The following SUPT3H variants were observed in gnomAD, a reference collection of about 807,000 sequenced individuals.
The protein encoded by SUPT3H is SPT3 homolog, SAGA and STAGA complex component, also known as transcription initiation protein SPT3 homolog.
A neutral mutation model predicts 44.3 loss-of-function variants in SUPT3H; 44 were observed. The observed-to-expected ratio is 0.99, with a 90% CI of 0.78 to 1.28. SUPT3H has a LOEUF of 1.28. Among genes scored for constraint, SUPT3H ranks in the 50% most tolerant of loss-of-function variants. The pLI, the probability that SUPT3H is intolerant of heterozygous loss-of-function variation, is 0.00. For missense variants in SUPT3H, 380 were observed against 387.1 expected, an observed-to-expected ratio of 0.98 and a Z score of 0.15; for synonymous variants, 124 against 125.6, an observed-to-expected ratio of 0.99 and a Z score of 0.09.
intron 2 of SUPT3H, among the ~76,000 whole-genome samples, chr6:45,265,490 G>A (rs563007059): frequency 7.9e-5 from 12 of 152,090 alleles, no homozygotes; most frequent in Non-Finnish European, 1.8e-4. Flanking sequence ...TTTAACCTTC[G>A]TCACTTCCTG....
At chr6:45,062,218 T>C (rs913710021) in intron 3 of SUPT3H, among the ~76,000 whole-genome samples, 2 of 152,104 alleles carry the variant, frequency 1.3e-5, no homozygotes. Flanking sequence ...GGAAAAGTTA[T>C]TACATTCATC....
intron 10 of SUPT3H, among the ~76,000 whole-genome samples, chr6:44,852,045 T>G (rs1367469229): frequency 6.6e-6 from 1 of 152,164 alleles, no homozygotes; most frequent in Non-Finnish European, 1.5e-5. Flanking sequence ...CCTCACACAT[T>G]AGAGGACCAA....
At chr6:45,168,157 T>C (rs1810206762) in intron 2 of SUPT3H, among the ~76,000 whole-genome samples, 1 of 151,922 alleles carries the variant, frequency 6.6e-6, no homozygotes, top group South Asian at 2.1e-4. Flanking sequence ...CACCAAAGAA[T>C]CAATTATGCT....
At chr6:45,316,090 C>T (rs1191544927) in intron 2 of SUPT3H, among the ~76,000 whole-genome samples, 2 of 152,092 alleles carry the variant, frequency 1.3e-5, no homozygotes, top group African/African-American at 2.4e-5. Context: ...AACCAAACAT[C>T]GTATGTTCTC....
At chr6:45,176,089 G>T (rs539120322) in intron 2 of SUPT3H, among the ~76,000 whole-genome samples, 2 of 152,212 alleles carry the variant, frequency 1.3e-5, no homozygotes, top group South Asian at 4.2e-4. Context: ...GGCCGAATAG[G>T]AACAGCTCTG....
At chr6:45,090,903 C>G (rs921923502) in intron 3 of SUPT3H, among the ~76,000 whole-genome samples, 3 of 151,872 alleles carry the variant, frequency 2.0e-5, no homozygotes, top group Admixed American at 1.3e-4. Flanking sequence ...GTCTAGTGAT[C>G]TTCTTAATAA....
chr6:44,891,767 T>C (rs953169585), intron 10 of SUPT3H, among the ~76,000 whole-genome samples: 8 of 151,840 alleles, frequency 5.3e-5, no homozygotes, highest in Admixed American at 3.9e-4. Flanking sequence ...TTATTATGTA[T>C]ATTTTACAAT....
intron 1 of SUPT3H, among the ~76,000 whole-genome samples, chr6:45,373,620 G>T (rs1226696587): frequency 6.6e-6 from 1 of 151,980 alleles, no homozygotes; most frequent in South Asian, 2.1e-4. Flanking sequence ...GCACGATCTC[G>T]GCTCACTGCA....
chr6:45,215,085 G>A (rs1764820358), intron 2 of SUPT3H, among the ~76,000 whole-genome samples: 1 of 152,114 alleles, frequency 6.6e-6, no homozygotes, highest in Non-Finnish European at 1.5e-5. Context: ...ATATCAAATA[G>A]AGCTGAAGAA....
intron 3 of SUPT3H, among the ~76,000 whole-genome samples, chr6:45,096,031 C>T (rs1326238514): frequency 3.9e-5 from 6 of 152,014 alleles, no homozygotes; most frequent in Non-Finnish European, 5.9e-5. Flanking sequence ...AGAGAAGGGA[C>T]GCTATGTTCC....
intron 2 of SUPT3H, among the ~76,000 whole-genome samples, chr6:45,208,925 GT>G (rs1763648172): frequency 6.6e-6 from 1 of 151,532 alleles, no homozygotes; most frequent in African/African-American, 2.4e-5. Context: ...ATGACTTTAA[GT>G]TGAAGCCAGT....
intron 2 of SUPT3H, among the ~76,000 whole-genome samples, chr6:45,182,013 C>T (rs1262295173): frequency 6.6e-6 from 1 of 151,980 alleles, no homozygotes; most frequent in East Asian, 1.9e-4. Context: ...AGAGTAAGCC[C>T]ATCCTTTTTC....
chr6:44,973,887 C>G (rs1777940941), intron 6 of SUPT3H, among the ~76,000 whole-genome samples: 1 of 152,158 alleles, frequency 6.6e-6, no homozygotes, highest in African/African-American at 2.4e-5. Context: ...ATGAAAACAG[C>G]ATGGAGGTAA....
At chr6:44,847,865 T>G (rs950613711) in intron 10 of SUPT3H, among the ~76,000 whole-genome samples, 2 of 152,008 alleles carry the variant, frequency 1.3e-5, no homozygotes, top group African/African-American at 2.4e-5. Context: ...TAAGCTACTA[T>G]AGACTATTGT....
chr6:45,036,558 T>C lies in SUPT3H; in HGVS notation c.187-15926A>G, dbSNP rs530875792. Among the ~76,000 whole-genome samples, 461 of 152,250 alleles carry C rather than the reference T, an allele frequency of 3.0e-3. 1 individual carries two copies. Among genetic ancestry groups the C allele is most frequent in the Non-Finnish European group, 5.0e-3 (339 of 68,016 alleles). On this transcript the variant is annotated intron_variant, in intron 3 of 10. Transcript: ENST00000371459. ...CACAGGTAAAGCTTAAAAAGTTACA[T>C]TGCCATTTCATTCTAACTGTTTAAG...
At chr6:44,811,115 C>T (rs968798782) in intron 11 of SUPT3H, among the ~76,000 whole-genome samples, 3 of 152,106 alleles carry the variant, frequency 2.0e-5, no homozygotes, top group African/African-American at 7.2e-5. Flanking sequence ...ATCCATTGTC[C>T]CGTTTCTGCT....
At chr6:45,127,328 A>G (rs908963700) in intron 2 of SUPT3H, among the ~76,000 whole-genome samples, 1 of 152,158 alleles carries the variant, frequency 6.6e-6, no homozygotes, top group African/African-American at 2.4e-5. Flanking sequence ...TAAATAAATA[A>G]TAATAAAAAT....
intron 2 of SUPT3H, among the ~76,000 whole-genome samples, chr6:45,352,394 T>C (rs1792254660): frequency 6.6e-6 from 1 of 152,032 alleles, no homozygotes; most frequent in Non-Finnish European, 1.5e-5. Context: ...TTATTATAGA[T>C]ACAAATCTAA....
At chr6:44,868,058 A>G (rs555297397) in intron 10 of SUPT3H, among the ~76,000 whole-genome samples, 1 of 151,218 alleles carries the variant, frequency 6.6e-6, no homozygotes, top group African/African-American at 2.4e-5. Flanking sequence ...GTGAGGTTTT[A>G]CTGAATATGC....
Sources: gnomAD v4.1 joint callset for allele counts (sites outside exome capture counted in the v4.1 genomes callset) on GRCh38, gnomAD v4.1.1 for gene constraint, MANE v1.5 for transcripts, NCBI Gene and HGNC (gene_info 2026-07-23, HGNC 2026-07-21) for gene names.